BMPR1A: variants seen among roughly 807,000 people sequenced by gnomAD.
The protein encoded by BMPR1A is bone morphogenetic protein receptor type-1A.
Under a neutral mutation model 66.0 loss-of-function variants are expected in BMPR1A, and 7 were observed. The observed-to-expected ratio is 0.11, with a 90% CI of 0.06 to 0.20. The LOEUF (loss-of-function observed/expected upper bound fraction) is 0.20. BMPR1A is among the 10% of genes least tolerant of loss of function. BMPR1A has a pLI of 1.00. For missense variants in BMPR1A, 408 were observed against 669.1 expected (o/e 0.61, Z 4.31); for synonymous variants, 200 against 229.7 (o/e 0.87, Z 1.17).
At chr10:86,890,791 ATTAAT>A (rs1297405492) in intron 4 of BMPR1A, among the ~76,000 whole-genome samples, 1 of 152,142 alleles carries the variant, frequency 6.6e-6, no homozygotes, top group Non-Finnish European at 1.5e-5. Flanking sequence ...TATTGTGTTA[ATTAAT>A]TTTATGCTTT....
At chr10:86,764,909 A>G (rs1354188487) in intron 1 of BMPR1A, among the ~76,000 whole-genome samples, 1 of 152,222 alleles carries the variant, frequency 6.6e-6, no homozygotes, top group African/African-American at 2.4e-5. Context: ...TTAGGGATAC[A>G]TTGGATTAAA....
intron 2 of BMPR1A, among the ~76,000 whole-genome samples, chr10:86,853,746 A>G (rs1842603295): frequency 1.3e-5 from 2 of 152,338 alleles, no homozygotes; most frequent in East Asian, 1.9e-4. Flanking sequence ...GTGATTTTCA[A>G]AAGGGGAGGG....
In BMPR1A at chr10:86,800,435, C is replaced by T. The variant is rs571265936; in HGVS notation, c.-267-38430C>T. ...GTGAGACGGAGTTTCGCTCTTGTTGCCCAGGCTGGAGTGCAATGTGAAATC... is the reference window on the plus strand; with the variant it reads ...GTGAGACGGAGTTTCGCTCTTGTTGTCCAGGCTGGAGTGCAATGTGAAATC... On this transcript the variant is annotated intron_variant, in intron 1 of 12. Transcript: ENST00000372037. 4.6e-5 allele frequency among the ~76,000 whole-genome samples: 7 copies of T among 152,284 alleles called. No individual in the cohort carries two copies. In the East Asian group the frequency reaches 1.4e-3, roughly 29 times the overall value.
intron 7 of BMPR1A, among the ~76,000 whole-genome samples, chr10:86,905,194 C>T (rs1301405799): frequency 1.3e-5 from 2 of 152,136 alleles, no homozygotes; most frequent in Non-Finnish European, 2.9e-5. Flanking sequence ...GACCCATGAT[C>T]CTCAAAACCT....
chr10:86,865,406 A>G (rs757534678), intron 2 of BMPR1A, among the ~76,000 whole-genome samples: 5 of 151,170 alleles, frequency 3.3e-5, no homozygotes, highest in Admixed American at 6.6e-5. Flanking sequence ...TGCGACCCCC[A>G]CTCTGCCCGC....
At chr10:86,761,980 G>A (rs1466083924) in intron 1 of BMPR1A, among the ~76,000 whole-genome samples, 1 of 152,202 alleles carries the variant, frequency 6.6e-6, no homozygotes, top group Non-Finnish European at 1.5e-5. Context: ...TGTGCTGGAG[G>A]TAGGCATTTG....
intron 2 of BMPR1A, among the ~76,000 whole-genome samples, chr10:86,853,679 A>G (rs1432420505): frequency 6.6e-6 from 1 of 152,194 alleles, no homozygotes. Context: ...GGGAGACATC[A>G]CATGTCGGTA....
intron 3 of BMPR1A, among the ~76,000 whole-genome samples, chr10:86,885,307 T>C (rs1469990782): frequency 6.6e-6 from 1 of 152,258 alleles, no homozygotes; most frequent in Non-Finnish European, 1.5e-5. Context: ...AGTAATTTTA[T>C]TGGAACACAC....
At chr10:86,915,901 A>G (rs1216245622) in intron 8 of BMPR1A, among the ~76,000 whole-genome samples, 2 of 152,244 alleles carry the variant, frequency 1.3e-5, no homozygotes, top group Non-Finnish European at 1.5e-5. Flanking sequence ...CAATCCATGT[A>G]CATCTTTTAT....
intron 5 of BMPR1A, among the ~76,000 whole-genome samples, chr10:86,892,968 A>G (rs1843174127): frequency 6.6e-6 from 1 of 152,018 alleles, no homozygotes; most frequent in Non-Finnish European, 1.5e-5. Flanking sequence ...TTCTTATCAC[A>G]ATAATTGCAG....
At chr10:86,787,670 T>A (rs182139413) in intron 1 of BMPR1A, among the ~76,000 whole-genome samples, 11 of 152,200 alleles carry the variant, frequency 7.2e-5, no homozygotes, top group Middle Eastern at 3.4e-3. Context: ...GGGTAGTTTA[T>A]AAAGAAAAGA....
At chr10:86,795,788 AAT>A (rs1345924316) in intron 1 of BMPR1A, among the ~76,000 whole-genome samples, 1 of 152,150 alleles carries the variant, frequency 6.6e-6, no homozygotes, top group Non-Finnish European at 1.5e-5. Context: ...AAGTAATCCA[AAT>A]AGTTATTTCT....
intron 2 of BMPR1A, among the ~76,000 whole-genome samples, chr10:86,872,819 A>G (rs1423061115): frequency 6.6e-6 from 1 of 152,076 alleles, no homozygotes; most frequent in African/African-American, 2.4e-5. Flanking sequence ...AACTGTTGTG[A>G]TCACAGTGCA....
Position 86,884,394 on chromosome 10 carries a change from A to ATTTTTTTTTTTTTTT in BMPR1A, c.68-5645_68-5631dup, listed in dbSNP as rs759424209. 2.4e-4 allele frequency among the ~76,000 whole-genome samples: 12 copies of ATTTTTTTTTTTTTTT among 49,344 alleles called. 4 individuals are homozygous for ATTTTTTTTTTTTTTT. Among genetic ancestry groups the ATTTTTTTTTTTTTTT allele is most frequent in the Non-Finnish European group, 4.9e-4 (11 of 22,330 alleles). 32.4% of individuals were successfully genotyped at this position (49,344 alleles called of 152,430 possible). A position where few individuals can be genotyped will look rare whatever the true frequency, so the allele number is the denominator to read the frequency against. ...AGCCACCATGCCTGGCAAACACATG[A>ATTTTTTTTTTTTTTT]TTTTTTTTTTTTTTTTTTTTTTTTT... On this transcript the variant is annotated intron_variant, in intron 3 of 12. Transcript: ENST00000372037.
intron 1 of BMPR1A, among the ~76,000 whole-genome samples, chr10:86,775,620 G>GAT (rs1429335436): frequency 2.0e-5 from 3 of 151,936 alleles, no homozygotes; most frequent in Admixed American, 6.6e-5. Context: ...AATACCAAAG[G>GAT]ATATACTAAG....
chr10:86,855,004 T>A, intron 2 of BMPR1A: 5 of 182,282 alleles, frequency 2.7e-5, no homozygotes, highest in Admixed American at 6.3e-5. Context: ...TGGTGCAACC[T>A]CCACTCCCTG....
chr10:86,769,500 A>AT (rs1304862650), intron 1 of BMPR1A, among the ~76,000 whole-genome samples: 11 of 152,350 alleles, frequency 7.2e-5, no homozygotes, highest in Middle Eastern at 3.4e-3. Context: ...TCAAAGTTAC[A>AT]TATAAAGTAA....
At chr10:86,844,721 A>G (rs572545890) in intron 2 of BMPR1A, among the ~76,000 whole-genome samples, 1 of 152,300 alleles carries the variant, frequency 6.6e-6, no homozygotes, top group South Asian at 2.1e-4. Context: ...TGAGGAAGGA[A>G]GGCATTTGTG....
chr10:86,800,854 G>GA (rs1841802353), intron 1 of BMPR1A, among the ~76,000 whole-genome samples: 1 of 152,210 alleles, frequency 6.6e-6, no homozygotes. Flanking sequence ...AAACTAACTA[G>GA]AAGAGGAATT....
Sources: gnomAD v4.1 joint callset for allele counts (sites outside exome capture counted in the v4.1 genomes callset) on GRCh38, gnomAD v4.1.1 for gene constraint, MANE v1.5 for transcripts, NCBI Gene and HGNC (gene_info 2026-07-23, HGNC 2026-07-21) for gene names.